Variants in ZDHHC2 observed in about 807,000 individuals in gnomAD.
ZDHHC2 encodes zDHHC palmitoyltransferase 2, also known as palmitoyltransferase ZDHHC2.
Under a neutral mutation model 55.6 loss-of-function variants are expected in ZDHHC2, and 51 were observed. The ratio of observed to expected loss-of-function variants is 0.92; its 90% confidence interval spans 0.73 to 1.16. The LOEUF (loss-of-function observed/expected upper bound fraction) is 1.16. Among genes scored for constraint, ZDHHC2 ranks in the 50% most tolerant of loss-of-function variants. The pLI is 0.00. For missense variants in ZDHHC2, 491 were observed against 442.4 expected, an observed-to-expected ratio of 1.11 and a Z score of -0.99; for synonymous variants, 199 against 152.9, an observed-to-expected ratio of 1.30 and a Z score of -2.22.
rs1286990977 is a variant in ZDHHC2, at chr8:17,202,219, TTG to T, written c.477-3434_477-3433del. Among the ~76,000 whole-genome samples the T allele has an allele frequency of 6.6e-5, 10 of 152,350 alleles. No individual in the cohort carries two copies. In the East Asian group the frequency reaches 1.5e-3, roughly 24 times the overall value. On this transcript the variant is annotated intron_variant, in intron 6 of 12. Transcript: ENST00000262096. ...TAACAGCGACAGAAGTAGAAATTGT[TTG>T]TCTCATTTTATTTTATCTTATTTTT...
intron 1 of ZDHHC2, among the ~76,000 whole-genome samples, chr8:17,164,977 C>G (rs1445457368): frequency 2.6e-5 from 4 of 152,148 alleles, no homozygotes; most frequent in Admixed American, 6.5e-5. Context: ...TGAGTCCTCT[C>G]AAAGAGCTGA....
chr8:17,171,700 G>C (rs1400827615), intron 1 of ZDHHC2, among the ~76,000 whole-genome samples: 1 of 151,818 alleles, frequency 6.6e-6, no homozygotes, highest in Non-Finnish European at 1.5e-5. Flanking sequence ...AAATGATGTT[G>C]AATTCCGCCA....
chr8:17,200,495 G>A (rs187773937), intron 6 of ZDHHC2, among the ~76,000 whole-genome samples: 3 of 152,318 alleles, frequency 2.0e-5, no homozygotes, highest in African/African-American at 7.2e-5. Flanking sequence ...CATAGGCATA[G>A]TGTTGATTTT....
chr8:17,213,595 T>C (rs550564427), intron 10 of ZDHHC2, among the ~76,000 whole-genome samples: 5 of 152,296 alleles, frequency 3.3e-5, no homozygotes, highest in Admixed American at 2.0e-4. Context: ...ACCTGACTTA[T>C]TTCATTCATA....
Position 17,223,665 on chromosome 8 carries a change from T to G in ZDHHC2, c.*3444T>G, listed in dbSNP as rs1204813126. ...AGATTCTACTTTTTATTGCAAGTGT[T>G]AGCAATATGATCTTGTAACGCCATG... On this transcript the variant is annotated 3_prime_UTR_variant, in exon 13 of 13. Transcript: ENST00000262096. The G allele has an allele frequency of 6.6e-6, 1 of 151,814 alleles. No homozygotes were observed. The highest frequency in any genetic ancestry group is 1.9e-4 in the East Asian group (1 of 5,192). The allele number at this position is 151,814 out of a possible 1,614,324, so 9.4% of individuals were successfully genotyped here.
chr8:17,219,252 T>TAAAAAAAAAAAAAAAA, intron 12 of ZDHHC2, among the ~76,000 whole-genome samples: 73 of 49,560 alleles, frequency 1.5e-3, no homozygotes, highest in Admixed American at 1.8e-3. Flanking sequence ...AGCAAGACTC[T>TAAAAAAAAAAAAAAAA]AAAAAAAAAA....
intron 1 of ZDHHC2, among the ~76,000 whole-genome samples, chr8:17,176,748 G>A (rs79354846): frequency 0.029 from 4,442 of 152,058 alleles, 224 homozygotes; most frequent in African/African-American, 0.1. Context: ...GACGTGTGAG[G>A]TGAGTTTGGA....
At chr8:17,203,063 C>CTTTTTT (rs10673416) in intron 6 of ZDHHC2, among the ~76,000 whole-genome samples, 8 of 126,824 alleles carry the variant, frequency 6.3e-5, no homozygotes, top group Non-Finnish European at 9.4e-5. Context: ...TGTCCAAAGT[C>CTTTTTT]TTTTTTTTTT....
intron 1 of ZDHHC2, among the ~76,000 whole-genome samples, chr8:17,173,369 T>A (rs1014457003): frequency 2.6e-5 from 4 of 152,036 alleles, no homozygotes; most frequent in African/African-American, 9.7e-5. Context: ...TTAAATGAGA[T>A]CAACATTCAA....
chr8:17,158,727 TA>T (rs1450889087), intron 1 of ZDHHC2, among the ~76,000 whole-genome samples: 2 of 152,262 alleles, frequency 1.3e-5, no homozygotes, highest in African/African-American at 4.8e-5. Context: ...TGCCTCTTTT[TA>T]AACTGCCTAA....
intron 7 of ZDHHC2, among the ~76,000 whole-genome samples, chr8:17,206,717 T>G (rs561749343): frequency 1.3e-5 from 2 of 152,320 alleles, no homozygotes; most frequent in Non-Finnish European, 2.9e-5. Context: ...AAATTGAGGA[T>G]TTAAGATATC....
chr8:17,160,277 C>A (rs1365592652), intron 1 of ZDHHC2, among the ~76,000 whole-genome samples: 1 of 152,140 alleles, frequency 6.6e-6, no homozygotes, highest in Non-Finnish European at 1.5e-5. Flanking sequence ...CTTGTGTAAC[C>A]AGTTCAGTTC....
chr8:17,205,557 A>G (rs926519248), intron 6 of ZDHHC2, 98 bp from the exon 7 acceptor site: 2 of 1,304,718 alleles, frequency 1.5e-6, no homozygotes, highest in African/African-American at 3.0e-5. Flanking sequence ...AAATGCCAAT[A>G]AATTAGAAGT....
intron 1 of ZDHHC2, among the ~76,000 whole-genome samples, chr8:17,167,924 G>T (rs1034557): frequency 0.45 from 68,546 of 151,890 alleles, 15,806 homozygotes; most frequent in Admixed American, 0.5. Flanking sequence ...GTTTTAGTAG[G>T]TTTCAGATAA....
chr8:17,209,888 A>C lies in ZDHHC2; in HGVS notation c.731-44A>C, dbSNP rs1400878689. 3 of 1,554,946 alleles carry C rather than the reference A, an allele frequency of 1.9e-6. No homozygotes were observed. The African/African-American group carries it at 4.1e-5, about 21-fold the overall frequency. On this transcript the variant is annotated intron_variant, in intron 8 of 12. Transcript: ENST00000262096. ...TGATAAATATTCAGGATTGCTAGTA[A>C]ATATGTTCTTTACTCATGTGATTCC...
At chr8:17,178,493 A>G (rs1805265019) in intron 1 of ZDHHC2, among the ~76,000 whole-genome samples, 1 of 152,180 alleles carries the variant, frequency 6.6e-6, no homozygotes, top group Non-Finnish European at 1.5e-5. Context: ...GCTAAACAGT[A>G]AATATTTTAG....
At chr8:17,163,810 G>T (rs749667581) in intron 1 of ZDHHC2, among the ~76,000 whole-genome samples, 8 of 152,178 alleles carry the variant, frequency 5.3e-5, no homozygotes, top group Non-Finnish European at 1.2e-4. Flanking sequence ...TGATTAGAAA[G>T]ACAGTTTTAA....
intron 3 of ZDHHC2, among the ~76,000 whole-genome samples, chr8:17,188,399 C>G (rs1333500781): frequency 1.3e-5 from 2 of 152,148 alleles, no homozygotes; most frequent in Non-Finnish European, 2.9e-5. Context: ...CAATTTCTGA[C>G]TTTATACTTT....
chr8:17,203,730 C>G (rs1215752592), intron 6 of ZDHHC2, among the ~76,000 whole-genome samples: 1 of 152,120 alleles, frequency 6.6e-6, no homozygotes, highest in Admixed American at 6.5e-5. Flanking sequence ...GGCTTGCATC[C>G]CCCCACTGGA....
Sources: gnomAD v4.1 joint callset for allele counts (sites outside exome capture counted in the v4.1 genomes callset) on GRCh38, gnomAD v4.1.1 for gene constraint, MANE v1.5 for transcripts, NCBI Gene and HGNC (gene_info 2026-07-23, HGNC 2026-07-21) for gene names.